Variants in LRRC37A2 observed in about 807,000 individuals in gnomAD.
The protein encoded by LRRC37A2 is leucine rich repeat containing 37 member A2, also known as leucine-rich repeat-containing protein 37A2.
Under a neutral mutation model 68.8 loss-of-function variants are expected in LRRC37A2, and 9 were observed. The ratio of observed to expected loss-of-function variants is 0.13; its 90% confidence interval spans 0.08 to 0.23. LRRC37A2 has a LOEUF of 0.23. Ranked by LOEUF, LRRC37A2 falls within the 10% of genes least tolerant of loss-of-function variation. The pLI is 1.00. For missense variants in LRRC37A2, 168 were observed against 950.4 expected, an observed-to-expected ratio of 0.18 and a Z score of 10.82; for synonymous variants, 63 against 367.6, an observed-to-expected ratio of 0.17 and a Z score of 9.48.
the LRRC37A2 span, among the ~76,000 whole-genome samples, chr17:46,769,326 AAAAAAAGAAAAG>A: frequency 6.6e-6 from 1 of 152,050 alleles, no homozygotes; most frequent in African/African-American, 2.4e-5. Context: ...AAAAAAAAAA[AAAAAAAGAAAAG>A]AAAAAGAAAA....
the LRRC37A2 span, among the ~76,000 whole-genome samples, chr17:46,896,773 T>A: frequency 1.9e-4 from 29 of 152,262 alleles, no homozygotes; most frequent in South Asian, 1.5e-3. Context: ...AGGCAGTCCT[T>A]GCCACTCACT....
the LRRC37A2 span, among the ~76,000 whole-genome samples, chr17:46,891,264 C>T: frequency 4.6e-5 from 7 of 152,148 alleles, no homozygotes; most frequent in African/African-American, 1.7e-4. Context: ...TCTTCCGTGG[C>T]CTTTCTTTTT....
the LRRC37A2 span, among the ~76,000 whole-genome samples, chr17:47,005,404 TAAG>T: frequency 6.6e-6 from 1 of 152,212 alleles, no homozygotes; most frequent in Admixed American, 6.6e-5. Context: ...GAGCAACTGT[TAAG>T]TCTGTTTTTT....
At chr17:46,598,696 C>G in the LRRC37A2 span, among the ~76,000 whole-genome samples, 1 of 152,144 alleles carries the variant, frequency 6.6e-6, no homozygotes, top group Non-Finnish European at 1.5e-5. Context: ...ATATCAGAAG[C>G]TTTTGTAGCC....
chr17:46,497,174 G>A, the LRRC37A2 span, among the ~76,000 whole-genome samples: 2 of 96,876 alleles, frequency 2.1e-5, no homozygotes, highest in African/African-American at 3.9e-5. Context: ...GATTATAGGC[G>A]TGAGCCACCA....
At chr17:46,852,574 C>CA in the LRRC37A2 span, among the ~76,000 whole-genome samples, 29,714 of 151,654 alleles carry the variant, frequency 0.2, 3,567 homozygotes, top group East Asian at 0.49. Flanking sequence ...CAATTGTTTC[C>CA]AGTCCCTTCT....
the LRRC37A2 span, chr17:46,728,999 A>G: frequency 1.0e-6 from 1 of 997,116 alleles, no homozygotes; most frequent in South Asian, 1.6e-5. Context: ...GCATATAATG[A>G]TACAATCTTT....
At chr17:46,983,555 A>T in the LRRC37A2 span, among the ~76,000 whole-genome samples, 8 of 151,132 alleles carry the variant, frequency 5.3e-5, no homozygotes, top group Non-Finnish European at 1.2e-4. Flanking sequence ...CGGCCTCCCA[A>T]AGTATTGGGA....
At chr17:46,931,369 T>G in the LRRC37A2 span, 1 of 650,976 alleles carries the variant, frequency 1.5e-6, no homozygotes, top group Non-Finnish European at 2.8e-6. Context: ...TCTATCTGAG[T>G]GATGCCGCTC....
At chr17:46,981,375 G>A in the LRRC37A2 span, among the ~76,000 whole-genome samples, 1 of 152,152 alleles carries the variant, frequency 6.6e-6, no homozygotes, top group African/African-American at 2.4e-5. Context: ...ATAGATTAGT[G>A]CCATTGTCTC....
chr17:46,891,534 G>T, the LRRC37A2 span, among the ~76,000 whole-genome samples: 1 of 152,284 alleles, frequency 6.6e-6, no homozygotes, highest in East Asian at 1.9e-4. Context: ...GGCTTCCAAG[G>T]GGTACGCAGC....
chr17:46,721,971 C>A, the LRRC37A2 span: 1 of 1,604,630 alleles, frequency 6.2e-7, no homozygotes, highest in Non-Finnish European at 8.5e-7. Flanking sequence ...AGTTGAGGAA[C>A]GGGAACAAAG....
At chr17:46,798,000 C>T in the LRRC37A2 span, among the ~76,000 whole-genome samples, 1 of 152,196 alleles carries the variant, frequency 6.6e-6, no homozygotes, top group South Asian at 2.1e-4. Context: ...GTGATCCCGG[C>T]TCTCTGCAAC....
chr17:46,981,978 GGT>G, the LRRC37A2 span, among the ~76,000 whole-genome samples: 1 of 152,126 alleles, frequency 6.6e-6, no homozygotes, highest in East Asian at 1.9e-4. Context: ...TGGGATTACA[GGT>G]GTGAGCCACT....
At chr17:46,923,122 C>G in the LRRC37A2 span, 1 of 1,108,042 alleles carries the variant, frequency 9.0e-7, no homozygotes, top group Non-Finnish European at 1.3e-6. Context: ...AAGCCGGAAA[C>G]CGGAAGGGGG....
chr17:46,973,376 T>C, the LRRC37A2 span, among the ~76,000 whole-genome samples: 1 of 152,218 alleles, frequency 6.6e-6, no homozygotes, highest in African/African-American at 2.4e-5. Context: ...TTGCCCAGGC[T>C]GGTCTCGAAC....
chr17:46,733,858 T>G, the LRRC37A2 span, among the ~76,000 whole-genome samples: 1 of 152,192 alleles, frequency 6.6e-6, no homozygotes, highest in African/African-American at 2.4e-5. Flanking sequence ...TGGCTAAATT[T>G]TATGATGTTG....
At chr17:46,790,457 C>T in the LRRC37A2 span, among the ~76,000 whole-genome samples, 2 of 152,054 alleles carry the variant, frequency 1.3e-5, no homozygotes, top group African/African-American at 2.4e-5. Flanking sequence ...TCCTCCCTCC[C>T]TCCCTCAAGG....
chr17:46,503,160 C>G, the LRRC37A2 span, among the ~76,000 whole-genome samples: 5 of 143,534 alleles, frequency 3.5e-5, no homozygotes, highest in Non-Finnish European at 6.0e-5. Context: ...TGCAGTGAGC[C>G]GAGATCATGC....
Sources: allele counts gnomAD v4.1 joint callset (sites outside exome capture counted in the v4.1 genomes callset), GRCh38; gene constraint gnomAD v4.1.1; transcripts MANE v1.5; gene names NCBI Gene and HGNC (gene_info 2026-07-23, HGNC 2026-07-21).